Variants in SLC13A3 observed in about 807,000 individuals in gnomAD.
SLC13A3 encodes the protein Na(+)/dicarboxylate cotransporter 3.
Under a neutral mutation model 59.0 loss-of-function variants are expected in SLC13A3, and 40 were observed. The observed-to-expected ratio is 0.68, with a 90% CI of 0.53 to 0.88. The LOEUF (loss-of-function observed/expected upper bound fraction) is 0.88, where lower values mean the gene tolerates loss of function less well. SLC13A3 is among the 40% of genes least tolerant of loss of function. SLC13A3 has a pLI of 0.00. For synonymous variants in SLC13A3, 317 were observed against 330.3 expected, an observed-to-expected ratio of 0.96 and a Z score of 0.44; for missense variants, 699 against 783.2, an observed-to-expected ratio of 0.89 and a Z score of 1.28.
In SLC13A3 at chr20:46,559,437, C is replaced by T. The variant is rs981438126; in HGVS notation, c.*585G>A. Reference sequence around the variant, plus strand: ...TCATGTCCTTGGAAAGCTATCTGTCCCTTTCCCTGTCTCCAAGGATTAAAA... The same window carrying T: ...TCATGTCCTTGGAAAGCTATCTGTCTCTTTCCCTGTCTCCAAGGATTAAAA... On this transcript the variant is annotated 3_prime_UTR_variant, in exon 13 of 13. Transcript: ENST00000279027. 6.6e-6 allele frequency: 1 copy of T among 152,342 alleles called. No individual in the cohort carries two copies. The highest frequency in any genetic ancestry group is 6.5e-5 in the Admixed American group (1 of 15,296). The allele number at this position is 152,342 out of a possible 1,614,324, so 9.4% of individuals were successfully genotyped here. A position where few individuals can be genotyped will look rare whatever the true frequency, so the allele number is the denominator to read the frequency against.
At chr20:46,569,138 C>T (rs2062008096) in intron 10 of SLC13A3, among the ~76,000 whole-genome samples, 2 of 152,142 alleles carry the variant, frequency 1.3e-5, no homozygotes, top group Admixed American at 6.6e-5. Context: ...CACACAACAC[C>T]ATGTTTGGCT....
chr20:46,675,578 T>C (rs1490460342), intron 1 of SLC13A3, among the ~76,000 whole-genome samples: 1 of 150,596 alleles, frequency 6.6e-6, no homozygotes, highest in African/African-American at 2.4e-5. Flanking sequence ...TTTTTTTTTT[T>C]AGTTTGTTTA....
intron 4 of SLC13A3, among the ~76,000 whole-genome samples, chr20:46,597,728 C>T (rs764864219): frequency 4.6e-5 from 7 of 152,138 alleles, no homozygotes; most frequent in Non-Finnish European, 8.8e-5. Flanking sequence ...TAAGCCACCG[C>T]GGTAAAAATG....
intron 1 of SLC13A3, among the ~76,000 whole-genome samples, chr20:46,614,424 A>G (rs910120383): frequency 6.6e-6 from 1 of 152,216 alleles, no homozygotes; most frequent in Admixed American, 6.5e-5. Context: ...CAGACTGAGC[A>G]TGCTCCTGCA....
upstream of SLC13A3, among the ~76,000 whole-genome samples, chr20:46,653,491 G>A (rs1040364063): frequency 6.6e-6 from 1 of 152,076 alleles, no homozygotes; most frequent in African/African-American, 2.4e-5. Flanking sequence ...CATGGCTTCA[G>A]GCTGCTAAAA....
At chr20:46,636,260 C>A (rs1175131296) in intron 1 of SLC13A3, among the ~76,000 whole-genome samples, 2 of 152,198 alleles carry the variant, frequency 1.3e-5, no homozygotes, top group African/African-American at 4.8e-5. Flanking sequence ...GCCAACAATA[C>A]TATAGATCTT....
chr20:46,677,315 G>A (rs2063131863), intron 1 of SLC13A3, among the ~76,000 whole-genome samples: 1 of 152,170 alleles, frequency 6.6e-6, no homozygotes, highest in African/African-American at 2.4e-5. Context: ...CACATAACCA[G>A]CATCAAGCTC....
intron 1 of SLC13A3, among the ~76,000 whole-genome samples, chr20:46,640,735 T>C (rs566946096): frequency 6.6e-6 from 1 of 152,272 alleles, no homozygotes; most frequent in Admixed American, 6.5e-5. Context: ...AAAAAGCAGT[T>C]TGGACACACG....
intron 9 of SLC13A3, among the ~76,000 whole-genome samples, chr20:46,580,877 A>C (rs1395251664): frequency 1.3e-5 from 2 of 152,180 alleles, no homozygotes; most frequent in African/African-American, 4.8e-5. Flanking sequence ...AACACCCAGA[A>C]GTTACCATCC....
At chr20:46,625,720 G>C (rs2062661795) in intron 1 of SLC13A3, among the ~76,000 whole-genome samples, 1 of 152,134 alleles carries the variant, frequency 6.6e-6, no homozygotes, top group African/African-American at 2.4e-5. Context: ...ATGTACTTCT[G>C]TCTCTGGCTG....
intron 3 of SLC13A3, among the ~76,000 whole-genome samples, chr20:46,602,964 A>G (rs2062394809): frequency 1.3e-5 from 2 of 152,240 alleles, no homozygotes; most frequent in Admixed American, 1.3e-4. Context: ...AGATCACCTG[A>G]GGTCGGGAGT....
At chr20:46,611,763 C>G (rs1401048067) in intron 2 of SLC13A3, among the ~76,000 whole-genome samples, 1 of 152,168 alleles carries the variant, frequency 6.6e-6, no homozygotes, top group Non-Finnish European at 1.5e-5. Context: ...ACCCTCCTGT[C>G]TGACCTCTAC....
intron 9 of SLC13A3, among the ~76,000 whole-genome samples, chr20:46,579,782 C>A (rs1016656631): frequency 1.2e-4 from 19 of 152,198 alleles, no homozygotes; most frequent in African/African-American, 4.1e-4. Context: ...CAGGGAGATT[C>A]CACATAAAAA....
Position 46,589,142 on chromosome 20 carries a change from C to G in SLC13A3, c.1016+18G>C. On this transcript the variant is annotated intron_variant, in intron 7 of 12. Transcript: ENST00000279027. ...TTTAATACTCAGCTCTTTCCTTAACCCAAGGGCCCCCACATACTTGATGGG... is the reference window on the plus strand; with the variant it reads ...TTTAATACTCAGCTCTTTCCTTAACGCAAGGGCCCCCACATACTTGATGGG... 1 of 1,610,382 alleles carries G rather than the reference C, an allele frequency of 6.2e-7. No homozygotes were observed. The highest frequency in any genetic ancestry group is 8.5e-7 in the Non-Finnish European group (1 of 1,176,746).
chr20:46,631,491 C>T (rs1290794575), intron 1 of SLC13A3, among the ~76,000 whole-genome samples: 1 of 152,176 alleles, frequency 6.6e-6, no homozygotes, highest in South Asian at 2.1e-4. Flanking sequence ...CTTTATCATG[C>T]AGCAGGAGTT....
chr20:46,632,923 C>T lies in SLC13A3; in HGVS notation c.111+18388G>A, dbSNP rs1302501891. ...TAGATAGATAGATATATCTATCTAT[C>T]TATCTATCTATCTATCTATCTATCT... On this transcript the variant is annotated intron_variant, in intron 1 of 12. Transcript: ENST00000279027. 3.1e-3 allele frequency among the ~76,000 whole-genome samples: 48 copies of T among 15,426 alleles called. 1 individual carries two copies. The highest frequency in any genetic ancestry group is 0.05 in the Middle Eastern group (1 of 20). 10.1% of individuals were successfully genotyped at this position (15,426 alleles called of 152,430 possible).
rs761828537 is a variant in SLC13A3 at position 46,596,329 on chromosome 20, C to T, written c.622G>A (p.Gly208Arg). ...AGATCCAGTGGAACCTCTGTCTCCC[C>T]AGGGTGGTCTTTGCTTTAAACAAAT... The part of the protein sequence containing the change: ...LASTEAKDHP[G>R]ETEVPLDLPA... The change falls in exon 5 of 13, where the codon GGG becomes AGG. Residue 208 changes from glycine to arginine, a missense_variant. Gly to Arg is a moderately radical substitution (Grantham distance 125, BLOSUM62 -2). Transcript: ENST00000279027. 1 of 1,614,030 alleles carries T rather than the reference C, an allele frequency of 6.2e-7. No individual in the cohort carries two copies. The highest frequency in any genetic ancestry group is 2.2e-5 in the East Asian group (1 of 44,884).
At chr20:46,591,599 T>C (rs2062257604) in intron 6 of SLC13A3, among the ~76,000 whole-genome samples, 1 of 152,194 alleles carries the variant, frequency 6.6e-6, no homozygotes, top group South Asian at 2.1e-4. Context: ...TATTAAGGTT[T>C]CTTTAGCACC....
chr20:46,563,732 G>A (rs966564794), intron 11 of SLC13A3, among the ~76,000 whole-genome samples, 181 bp from the exon 12 acceptor site: 20 of 152,140 alleles, frequency 1.3e-4, no homozygotes, highest in African/African-American at 3.9e-4. Context: ...AGTGAGAAGA[G>A]AGAGTTAGAG....
Sources: allele counts gnomAD v4.1 joint callset (sites outside exome capture counted in the v4.1 genomes callset), GRCh38; gene constraint gnomAD v4.1.1; transcripts MANE v1.5; gene names NCBI Gene and HGNC (gene_info 2026-07-23, HGNC 2026-07-21).